RIGI: variants seen among roughly 807,000 people sequenced by gnomAD.
The protein encoded by RIGI is antiviral innate immune response receptor RIG-I.
the RIGI span, among the ~76,000 whole-genome samples, chr9:32,521,032 C>A: frequency 2.0e-5 from 3 of 148,840 alleles, no homozygotes; most frequent in African/African-American, 5.0e-5. Context: ...GTAATCCCAG[C>A]TACTAGGGAG....
the RIGI span, among the ~76,000 whole-genome samples, chr9:32,523,169 C>T: frequency 6.6e-6 from 1 of 152,174 alleles, no homozygotes; most frequent in African/African-American, 2.4e-5. Context: ...TTTGCTGCAG[C>T]TCCCAATTAA....
the RIGI span, among the ~76,000 whole-genome samples, chr9:32,514,397 A>G: frequency 3.7e-4 from 57 of 152,310 alleles, no homozygotes; most frequent in African/African-American, 1.3e-3. Context: ...ACGCAGCCAT[A>G]AAAAAGAATG....
chr9:32,507,349 T>C, the RIGI span, among the ~76,000 whole-genome samples: 1 of 152,222 alleles, frequency 6.6e-6, no homozygotes, highest in Non-Finnish European at 1.5e-5. Context: ...ATTTGCTATA[T>C]GATACAAAAT....
chr9:32,507,640 C>CT, the RIGI span, among the ~76,000 whole-genome samples: 2 of 151,680 alleles, frequency 1.3e-5, no homozygotes, highest in African/African-American at 4.8e-5. Flanking sequence ...TTCTTTATCT[C>CT]TTTTTTATTT....
chr9:32,481,833 C>G, the RIGI span, among the ~76,000 whole-genome samples: 1 of 152,352 alleles, frequency 6.6e-6, no homozygotes, highest in East Asian at 1.9e-4. Context: ...GATCCGCCTG[C>G]CTCGGTCTCC....
At chr9:32,518,099 C>G in the RIGI span, among the ~76,000 whole-genome samples, 3 of 151,934 alleles carry the variant, frequency 2.0e-5, no homozygotes, top group Non-Finnish European at 4.4e-5. Context: ...GATAAGAATT[C>G]TAGTTCATAT....
chr9:32,486,444 ACT>A, the RIGI span, among the ~76,000 whole-genome samples: 5 of 135,324 alleles, frequency 3.7e-5, no homozygotes, highest in Admixed American at 1.6e-4. Flanking sequence ...ACAGCACGAG[ACT>A]CTGTCTCAAA....
At chr9:32,501,934 T>C in the RIGI span, among the ~76,000 whole-genome samples, 1 of 152,138 alleles carries the variant, frequency 6.6e-6, no homozygotes, top group Non-Finnish European at 1.5e-5. Context: ...AATTCAATGG[T>C]TTTTGGAACT....
chr9:32,509,301 G>A, the RIGI span, among the ~76,000 whole-genome samples: 2 of 152,188 alleles, frequency 1.3e-5, no homozygotes, highest in Non-Finnish European at 2.9e-5. Flanking sequence ...GTGCCTCCTG[G>A]TGGGGAGACA....
chr9:32,466,091 T>A, the RIGI span, among the ~76,000 whole-genome samples: 29 of 152,350 alleles, frequency 1.9e-4, no homozygotes, highest in Middle Eastern at 3.4e-3. Context: ...TCTGAAAACA[T>A]AACTTCAGTT....
At chr9:32,485,791 G>A in the RIGI span, among the ~76,000 whole-genome samples, 4 of 151,942 alleles carry the variant, frequency 2.6e-5, no homozygotes, top group Non-Finnish European at 4.4e-5. Flanking sequence ...CACCCGCCTT[G>A]GCCTCCCAAA....
chr9:32,488,013 G>C, the RIGI span: 22 of 1,613,838 alleles, frequency 1.4e-5, no homozygotes, highest in Middle Eastern at 1.6e-4. Flanking sequence ...ATATTGTACG[G>C]GTGTTGTTTA....
At chr9:32,483,469 G>A in the RIGI span, among the ~76,000 whole-genome samples, 11 of 152,020 alleles carry the variant, frequency 7.2e-5, no homozygotes, top group African/African-American at 1.2e-4. Flanking sequence ...GAGGTGGGAG[G>A]AGTAAGAAAA....
chr9:32,492,378 TAC>T, the RIGI span: 5 of 1,613,878 alleles, frequency 3.1e-6, no homozygotes, highest in Non-Finnish European at 3.4e-6. Flanking sequence ...GTGAGGAGGG[TAC>T]AGTGTCTTAC....
the RIGI span, among the ~76,000 whole-genome samples, chr9:32,470,130 T>A: frequency 4.6e-5 from 7 of 152,246 alleles, no homozygotes; most frequent in Admixed American, 2.6e-4. Flanking sequence ...TTTTTAAAGA[T>A]ACATACTTTC....
chr9:32,475,612 GA>G, the RIGI span, among the ~76,000 whole-genome samples: 62 of 144,622 alleles, frequency 4.3e-4, no homozygotes, highest in Non-Finnish European at 7.3e-4. Context: ...TACACAAAAA[GA>G]AAAAAAAAAG....
chr9:32,499,311 GATTTGTTT>G, the RIGI span, among the ~76,000 whole-genome samples: 3 of 81,134 alleles, frequency 3.7e-5, no homozygotes, highest in African/African-American at 1.0e-4. Context: ...CAGAGTTTGT[GATTTGTTT>G]TTTTTTTTTT....
At chr9:32,523,962 CT>C in the RIGI span, among the ~76,000 whole-genome samples, 6 of 152,078 alleles carry the variant, frequency 3.9e-5, no homozygotes, top group East Asian at 1.2e-3. Flanking sequence ...TCTCTTTCAC[CT>C]TGGACCTTTG....
the RIGI span, chr9:32,493,883 C>T: frequency 6.2e-7 from 1 of 1,609,926 alleles, no homozygotes; most frequent in Non-Finnish European, 8.5e-7. Flanking sequence ...CTATACTCCT[C>T]CAACTTTTCA....
Sources: gnomAD v4.1 joint callset for allele counts (sites outside exome capture counted in the v4.1 genomes callset) on GRCh38, gnomAD v4.1.1 for gene constraint, MANE v1.5 for transcripts, NCBI Gene and HGNC (gene_info 2026-07-23, HGNC 2026-07-21) for gene names.